NTRK3: variants seen among roughly 807,000 people sequenced by gnomAD.
NTRK3 encodes the protein neurotrophic receptor tyrosine kinase 3.
In NTRK3, 24 loss-of-function variants were observed where a neutral mutation model predicts 91.7. That is an observed-to-expected ratio of 0.26 (90% confidence interval 0.19 to 0.37). The LOEUF (loss-of-function observed/expected upper bound fraction) is 0.37. Among genes scored for constraint, NTRK3 ranks in the 10% least tolerant of loss-of-function variants. The pLI, the probability that NTRK3 is intolerant of heterozygous loss-of-function variation, is 1.00. For missense variants in NTRK3, 880 were observed against 1,068.9 expected, an observed-to-expected ratio of 0.82 and a Z score of 2.46; for synonymous variants, 483 against 404.0, an observed-to-expected ratio of 1.20 and a Z score of -2.34.
chr15:88,158,259 A>G lies in NTRK3; in HGVS notation c.396-10856T>C, dbSNP rs148960010. Among the ~76,000 whole-genome samples the G allele has an allele frequency of 1.6e-4, 24 of 152,324 alleles. No individual in the cohort carries two copies. In the East Asian group the frequency reaches 4.2e-3, roughly 27 times the overall value. On this transcript the variant is annotated intron_variant, in intron 5 of 18. Transcript: ENST00000394480. ...CCCATTGCCAGTCACCACCGAAGCCACAACGCGCCCACGCCATTAAAACAA... is the reference window on the plus strand; with the variant it reads ...CCCATTGCCAGTCACCACCGAAGCCGCAACGCGCCCACGCCATTAAAACAA...
chr15:88,181,077 T>A (rs1416021888), intron 5 of NTRK3, among the ~76,000 whole-genome samples: 1 of 152,044 alleles, frequency 6.6e-6, no homozygotes, highest in Admixed American at 6.5e-5. Flanking sequence ...GCACCCTGAC[T>A]TGCCCCTAAT....
chr15:87,997,248 T>C (rs1168184870), intron 14 of NTRK3, among the ~76,000 whole-genome samples: 4 of 152,212 alleles, frequency 2.6e-5, no homozygotes, highest in East Asian at 1.9e-4. Flanking sequence ...CTGGCAACAA[T>C]TGGCATGAAT....
intron 14 of NTRK3, among the ~76,000 whole-genome samples, chr15:87,980,709 C>T (rs1294364183): frequency 3.9e-5 from 6 of 152,138 alleles, no homozygotes; most frequent in Admixed American, 3.9e-4. Flanking sequence ...TCCTCCTGCC[C>T]AGGACATGCT....
chr15:88,078,214 A>G, intron 13 of NTRK3, among the ~76,000 whole-genome samples: 1 of 152,160 alleles, frequency 6.6e-6, no homozygotes, highest in Non-Finnish European at 1.5e-5. Flanking sequence ...GTTGCAATGT[A>G]CACCCTATTG....
At chr15:88,044,130 C>T (rs78494295) in intron 13 of NTRK3, among the ~76,000 whole-genome samples, 9,327 of 152,138 alleles carry the variant, frequency 0.061, 368 homozygotes, top group South Asian at 0.12. Context: ...TCCTGTCCAA[C>T]GCTCACAGTG....
intron 14 of NTRK3, among the ~76,000 whole-genome samples, chr15:87,995,961 C>T (rs573415504): frequency 6.6e-6 from 1 of 151,966 alleles, no homozygotes; most frequent in South Asian, 2.1e-4. Context: ...ACATAAAAAC[C>T]GGCTGGGTGT....
At chr15:88,206,540 C>T (rs1164670588) in intron 3 of NTRK3, among the ~76,000 whole-genome samples, 2 of 151,054 alleles carry the variant, frequency 1.3e-5, no homozygotes, top group Non-Finnish European at 1.5e-5. Flanking sequence ...CGCCTGTAGT[C>T]CCAGCTACTC....
At chr15:87,919,636 T>A (rs1313776861) in intron 17 of NTRK3, among the ~76,000 whole-genome samples, 1 of 152,176 alleles carries the variant, frequency 6.6e-6, no homozygotes, top group Non-Finnish European at 1.5e-5. Flanking sequence ...ATAATCCTCA[T>A]CCTTGGAAAA....
At chr15:88,160,002 A>C (rs1252115905) in intron 5 of NTRK3, among the ~76,000 whole-genome samples, 1 of 148,362 alleles carries the variant, frequency 6.7e-6, no homozygotes, top group Non-Finnish European at 1.5e-5. Context: ...ACATTGCTTG[A>C]ACTTCATGCC....
intron 1 of NTRK3, 32 bp from the exon 2 acceptor site, chr15:88,256,518 C>CAA (rs561718241): frequency 6.8e-5 from 29 of 425,880 alleles, no homozygotes; most frequent in South Asian, 1.0e-4. Flanking sequence ...GGTGGGGAGG[C>CAA]AAAAAAAAAA....
chr15:88,209,350 C>T (rs920226314), intron 3 of NTRK3, among the ~76,000 whole-genome samples: 2 of 152,176 alleles, frequency 1.3e-5, no homozygotes, highest in African/African-American at 4.8e-5. Flanking sequence ...AAGGTGTATG[C>T]ACAAAGAACA....
intron 5 of NTRK3, among the ~76,000 whole-genome samples, chr15:88,173,449 C>G (rs556488358): frequency 1.3e-5 from 2 of 152,236 alleles, no homozygotes; most frequent in African/African-American, 4.8e-5. Context: ...AAATCTGCCA[C>G]TCCTGCATCG....
At chr15:88,121,702 T>A (rs535731729) in intron 13 of NTRK3, among the ~76,000 whole-genome samples, 1 of 152,294 alleles carries the variant, frequency 6.6e-6, no homozygotes, top group Admixed American at 6.5e-5. Context: ...ATCAAAGAGT[T>A]AATGTCTAGC....
intron 3 of NTRK3, chr15:88,253,315 G>C (rs1478734892): frequency 6.6e-6 from 1 of 152,216 alleles, no homozygotes; most frequent in Non-Finnish European, 1.5e-5. Context: ...CCCAGCTGCG[G>C]GTGCTTCTCT....
intron 13 of NTRK3, among the ~76,000 whole-genome samples, chr15:88,078,320 G>A (rs575456673): frequency 3.8e-4 from 58 of 152,260 alleles, no homozygotes; most frequent in Middle Eastern, 6.8e-3. Flanking sequence ...CACATGGCAC[G>A]TCCCAACAGG....
At chr15:88,022,546 A>G (rs558108452) in intron 14 of NTRK3, among the ~76,000 whole-genome samples, 1 of 152,006 alleles carries the variant, frequency 6.6e-6, no homozygotes, top group Non-Finnish European at 1.5e-5. Flanking sequence ...TAATCCTCTT[A>G]CTCCTTGAAG....
intron 13 of NTRK3, among the ~76,000 whole-genome samples, chr15:88,079,244 A>G (rs912819273): frequency 6.6e-6 from 1 of 152,224 alleles, no homozygotes; most frequent in Admixed American, 6.5e-5. Flanking sequence ...ATGTGAAGTA[A>G]GAGAGTCATC....
At chr15:88,242,180 TA>T (rs1278964406) in intron 3 of NTRK3, among the ~76,000 whole-genome samples, 1 of 152,118 alleles carries the variant, frequency 6.6e-6, no homozygotes, top group African/African-American at 2.4e-5. Context: ...ACCTTCCAAA[TA>T]AACTACCCAC....
chr15:87,910,823 A>G (rs1036671169), intron 17 of NTRK3, among the ~76,000 whole-genome samples: 1 of 152,154 alleles, frequency 6.6e-6, no homozygotes, highest in Non-Finnish European at 1.5e-5. Flanking sequence ...TGCAGGGGAA[A>G]GGGTAAATTA....
Sources: gnomAD v4.1 joint callset for allele counts (sites outside exome capture counted in the v4.1 genomes callset) on GRCh38, gnomAD v4.1.1 for gene constraint, MANE v1.5 for transcripts, NCBI Gene and HGNC (gene_info 2026-07-23, HGNC 2026-07-21) for gene names.